The following CTNND2 variants were observed in gnomAD, a reference collection of about 807,000 sequenced individuals.
CTNND2 encodes catenin delta-2.
A neutral mutation model predicts 144.4 loss-of-function variants in CTNND2; 22 were observed. The ratio of observed to expected loss-of-function variants is 0.15; its 90% CI spans 0.11 to 0.22. The LOEUF is 0.22. Among genes scored for constraint, CTNND2 ranks in the 10% least tolerant of loss-of-function variants. The probability of loss-of-function intolerance (pLI) is 1.00; values close to 1 mark genes in which losing one functional copy is unlikely to be tolerated. For missense variants in CTNND2, 1,353 were observed against 1,618.8 expected (o/e 0.84, Z 2.82); for synonymous variants, 751 against 695.6 (o/e 1.08, Z -1.25).
At chr5:10,986,753 G>A (rs1162141671) in intron 20 of CTNND2, 1 of 448,058 alleles carries the variant, frequency 2.2e-6, no homozygotes. Context: ...TGGGGGCAGG[G>A]ATAAGAAACA....
chr5:11,329,992 T>TC (rs1752919325), intron 9 of CTNND2, among the ~76,000 whole-genome samples: 1 of 152,184 alleles, frequency 6.6e-6, no homozygotes, highest in African/African-American at 2.4e-5. Flanking sequence ...TGTAAGTGAT[T>TC]ACTGCAGTGA....
chr5:11,017,602 C>G (rs1045229159), intron 18 of CTNND2, among the ~76,000 whole-genome samples: 1 of 33,446 alleles, frequency 3.0e-5, no homozygotes. Context: ...ATATATCTTT[C>G]CATATATATA....
At chr5:11,411,468 T>C (rs1263349807) in intron 5 of CTNND2, 68 bp downstream of exon 5, 9 of 794,390 alleles carry the variant, frequency 1.1e-5, no homozygotes, top group African/African-American at 1.0e-4. Flanking sequence ...ACAGTAATGA[T>C]ATTAGAAATA....
intron 3 of CTNND2, among the ~76,000 whole-genome samples, chr5:11,445,965 A>C (rs148165290): frequency 5.9e-5 from 9 of 152,198 alleles, no homozygotes; most frequent in East Asian, 1.9e-4. Flanking sequence ...CCTAGATACA[A>C]ATTTTTTGTT....
intron 9 of CTNND2, among the ~76,000 whole-genome samples, chr5:11,281,839 T>A (rs1747158660): frequency 6.6e-6 from 1 of 152,184 alleles, no homozygotes; most frequent in Non-Finnish European, 1.5e-5. Context: ...AATCACCTCT[T>A]TAAATGGCCC....
chr5:11,289,530 G>A lies in CTNND2; in HGVS notation c.1629-52707C>T, dbSNP rs1748100963. Among the ~76,000 whole-genome samples, 5 of 152,212 alleles carry A rather than the reference G, an allele frequency of 3.3e-5. No individual in the cohort carries two copies. In the South Asian group the frequency reaches 1.0e-3, roughly 32 times the overall value. On this transcript the variant is annotated intron_variant, in intron 9 of 21. Transcript: ENST00000304623. The stretch of plus-strand genomic sequence containing the variant: ...CCTTCAAAATAGTCCTCTGCATCAT[G>A]AGTACAGATGCACTCTCCTGCAGAG...
intron 9 of CTNND2, among the ~76,000 whole-genome samples, chr5:11,325,790 C>CCCCTCCCT (rs1752464416): frequency 6.6e-6 from 1 of 152,186 alleles, no homozygotes; most frequent in African/African-American, 2.4e-5. Flanking sequence ...CTCTATCAAC[C>CCCCTCCCT]AGCCACCCGA....
chr5:11,243,038 C>A (rs1019931570), intron 9 of CTNND2, among the ~76,000 whole-genome samples: 2 of 152,156 alleles, frequency 1.3e-5, no homozygotes, highest in Non-Finnish European at 2.9e-5. Context: ...CTCTTAAAAT[C>A]TATGTAATAC....
intron 1 of CTNND2, among the ~76,000 whole-genome samples, chr5:11,764,903 G>GA (rs1392482867): frequency 3.3e-5 from 5 of 150,558 alleles, no homozygotes; most frequent in African/African-American, 7.3e-5. Context: ...TTACATGTAT[G>GA]AAAAAAAAAG....
At chr5:11,879,339 G>GTGTGTATATATATATATA (rs1553988765) in intron 1 of CTNND2, among the ~76,000 whole-genome samples, 2 of 101,004 alleles carry the variant, frequency 2.0e-5, no homozygotes, top group South Asian at 7.7e-4. Flanking sequence ...AATTAAATGT[G>GTGTGTATATATATATATA]TGTATATATA....
intron 3 of CTNND2, among the ~76,000 whole-genome samples, chr5:11,480,321 C>A (rs1768124867): frequency 6.6e-6 from 1 of 152,110 alleles, no homozygotes; most frequent in Non-Finnish European, 1.5e-5. Flanking sequence ...TTTAATTCAC[C>A]AATGCCACTT....
intron 9 of CTNND2, among the ~76,000 whole-genome samples, chr5:11,259,027 T>A (rs920316512): frequency 5.3e-5 from 8 of 152,202 alleles, no homozygotes; most frequent in Non-Finnish European, 1.2e-4. Flanking sequence ...AATCCACAAG[T>A]TGCCCTGAAG....
At chr5:11,320,393 T>C (rs767667495) in intron 9 of CTNND2, among the ~76,000 whole-genome samples, 1 of 152,192 alleles carries the variant, frequency 6.6e-6, no homozygotes, top group Admixed American at 6.5e-5. Context: ...TACTATGTCA[T>C]GGTTTAAAAA....
At chr5:11,689,532 C>T (rs1366345205) in intron 2 of CTNND2, among the ~76,000 whole-genome samples, 2 of 152,296 alleles carry the variant, frequency 1.3e-5, no homozygotes, top group East Asian at 3.9e-4. Flanking sequence ...CTTAGTGTCA[C>T]TTTTCAGTAA....
intron 2 of CTNND2, among the ~76,000 whole-genome samples, chr5:11,634,002 C>T (rs568036978): frequency 6.6e-6 from 1 of 152,126 alleles, no homozygotes; most frequent in East Asian, 1.9e-4. Context: ...TGTCCAATAC[C>T]CAGTCAACAG....
At chr5:11,619,205 C>T (rs1356236223) in intron 2 of CTNND2, among the ~76,000 whole-genome samples, 2 of 152,048 alleles carry the variant, frequency 1.3e-5, no homozygotes, top group East Asian at 1.9e-4. Context: ...GTATGGAGTT[C>T]GAGACCAGCC....
chr5:11,664,857 G>A (rs1026728869), intron 2 of CTNND2, among the ~76,000 whole-genome samples: 1 of 152,122 alleles, frequency 6.6e-6, no homozygotes, highest in Non-Finnish European at 1.5e-5. Context: ...GAAGTATGAA[G>A]TCCTCTTTAT....
chr5:11,082,275 G>A (rs190070322), intron 16 of CTNND2, among the ~76,000 whole-genome samples: 2 of 152,298 alleles, frequency 1.3e-5, no homozygotes, highest in Admixed American at 1.3e-4. Flanking sequence ...AAATTAAAGA[G>A]AGATAATTTC....
At chr5:11,760,035 T>C (rs991240088) in intron 1 of CTNND2, among the ~76,000 whole-genome samples, 58 of 128,866 alleles carry the variant, frequency 4.5e-4, no homozygotes, top group Admixed American at 4.3e-3. Flanking sequence ...GTACTTGGCA[T>C]TGAGTACTGG....
Sources: allele counts gnomAD v4.1 joint callset (sites outside exome capture counted in the v4.1 genomes callset), GRCh38; gene constraint gnomAD v4.1.1; transcripts MANE v1.5; gene names NCBI Gene and HGNC (gene_info 2026-07-23, HGNC 2026-07-21).